Variants in ELF2 observed in about 807,000 individuals in gnomAD.
The protein encoded by ELF2 is E74 like ETS transcription factor 2.
In ELF2, 11 loss-of-function variants were observed where a neutral mutation model predicts 54.8. The observed-to-expected ratio is 0.20, with a 90% CI of 0.13 to 0.33. The LOEUF is 0.33. ELF2 is among the 10% of genes least tolerant of loss of function. ELF2 has a pLI of 1.00. For missense variants in ELF2, 513 were observed against 703.0 expected, an observed-to-expected ratio of 0.73 and a Z score of 3.06; for synonymous variants, 203 against 245.1, an observed-to-expected ratio of 0.83 and a Z score of 1.61.
intron 3 of ELF2, among the ~76,000 whole-genome samples, chr4:139,134,618 A>ATTTTATTTAT (rs1553967913): frequency 7.4e-4 from 21 of 28,530 alleles, no homozygotes; most frequent in African/African-American, 2.8e-3. Flanking sequence ...ATTTTATTTT[A>ATTTTATTTAT]TTTATTTTAT....
At chr4:139,175,602 A>T (rs1426533914) in intron 1 of ELF2, among the ~76,000 whole-genome samples, 1 of 152,248 alleles carries the variant, frequency 6.6e-6, no homozygotes, top group East Asian at 1.9e-4. Context: ...ATCCTTTCTT[A>T]GTAAAGCATA....
At chr4:139,135,577 C>G (rs1738068764) in intron 3 of ELF2, among the ~76,000 whole-genome samples, 1 of 151,998 alleles carries the variant, frequency 6.6e-6, no homozygotes, top group African/African-American at 2.4e-5. Context: ...CATAACATTT[C>G]TGAAATATTT....
chr4:139,082,040 A>G (rs1174781574), intron 4 of ELF2, among the ~76,000 whole-genome samples: 1 of 152,196 alleles, frequency 6.6e-6, no homozygotes, highest in African/African-American at 2.4e-5. Flanking sequence ...ACAGTCTTTT[A>G]TATACACACA....
chr4:139,169,893 C>T (rs1318558816), intron 1 of ELF2, among the ~76,000 whole-genome samples: 1 of 150,626 alleles, frequency 6.6e-6, no homozygotes, highest in East Asian at 1.9e-4. Context: ...TCTTCCTTTA[C>T]CTCCCTGAAT....
chr4:139,170,259 C>CTTTT (rs70940499), intron 1 of ELF2, among the ~76,000 whole-genome samples: 7 of 89,290 alleles, frequency 7.8e-5, no homozygotes, highest in East Asian at 6.1e-4. Context: ...TCTTAATCGC[C>CTTTT]TTTTTTTTTT....
In ELF2 at chr4:139,139,453, C is replaced by A. The variant is rs1738492468; in HGVS notation, c.-207G>T. 8.1e-7 allele frequency: 1 copy of A among 1,229,926 alleles called. No individual in the cohort carries two copies. The highest frequency in any genetic ancestry group is 1.6e-5 in the African/African-American group (1 of 64,324). 76.2% of individuals were successfully genotyped at this position (1,229,926 alleles called of 1,614,324 possible). ...TAGTCTAAGCATCCTTCACTATTTT[C>A]ACAACTTGGGAAGAGCTAAAATCTG... On this transcript the variant is annotated 5_prime_UTR_variant, in exon 2 of 10. Transcript: ENST00000686138.
chr4:139,138,441 C>T (rs1429277509), intron 2 of ELF2, among the ~76,000 whole-genome samples: 1 of 151,768 alleles, frequency 6.6e-6, no homozygotes, highest in African/African-American at 2.4e-5. Flanking sequence ...TTATAACTTT[C>T]TCCCTTTATA....
intron 1 of ELF2, among the ~76,000 whole-genome samples, chr4:139,169,352 A>C (rs1560892875): frequency 6.6e-6 from 1 of 151,450 alleles, no homozygotes; most frequent in African/African-American, 2.4e-5. Context: ...CATTTAAAAA[A>C]AAAAAAAAAA....
intron 1 of ELF2, among the ~76,000 whole-genome samples, chr4:139,162,315 AAGACCAGCCAGTTTG>A (rs1161375764): frequency 6.6e-6 from 1 of 152,096 alleles, no homozygotes; most frequent in African/African-American, 2.4e-5. Context: ...TCAGGAGTTC[AAGACCAGCCAGTTTG>A]AGACCAGCCT....
chr4:139,102,156 T>G (rs1468410829), intron 4 of ELF2: 1 of 152,016 alleles, frequency 6.6e-6, no homozygotes, highest in Non-Finnish European at 1.5e-5. Flanking sequence ...TTCCAACTAT[T>G]ACACATCAGA....
At chr4:139,088,602 G>A (rs1732245884) in intron 4 of ELF2, among the ~76,000 whole-genome samples, 1 of 151,784 alleles carries the variant, frequency 6.6e-6, no homozygotes, top group African/African-American at 2.4e-5. Flanking sequence ...TTTCTTTTCA[G>A]TTGTCTTCAC....
intron 4 of ELF2, among the ~76,000 whole-genome samples, chr4:139,114,741 A>C (rs1014855963): frequency 4.1e-5 from 6 of 145,774 alleles, no homozygotes; most frequent in South Asian, 2.1e-4. Flanking sequence ...CCATCAGTTT[A>C]ATAACAATAA....
At chr4:139,132,362 A>G (rs1261659899) in intron 3 of ELF2, among the ~76,000 whole-genome samples, 3 of 152,176 alleles carry the variant, frequency 2.0e-5, no homozygotes, top group Non-Finnish European at 2.9e-5. Flanking sequence ...TGTAACTACC[A>G]TCACAGTCAA....
intron 1 of ELF2, among the ~76,000 whole-genome samples, chr4:139,148,022 G>A (rs1007203453): frequency 1.3e-5 from 2 of 150,412 alleles, no homozygotes; most frequent in Admixed American, 6.6e-5. Context: ...TTGACTTCAG[G>A]TGATCCGCCT....
chr4:139,130,510 C>T (rs13113053), intron 3 of ELF2, among the ~76,000 whole-genome samples: 34,557 of 152,122 alleles, frequency 0.23, 4,119 homozygotes, highest in Non-Finnish European at 0.25. Context: ...TTTTCATCTA[C>T]TGAAGGCTTT....
chr4:139,090,304 T>C (rs187089199), intron 4 of ELF2, among the ~76,000 whole-genome samples: 30 of 152,350 alleles, frequency 2.0e-4, no homozygotes, highest in African/African-American at 7.0e-4. Flanking sequence ...AGTTACGATT[T>C]TTCTCACATG....
intron 1 of ELF2, among the ~76,000 whole-genome samples, chr4:139,150,973 G>A (rs1344016829): frequency 1.4e-5 from 2 of 147,148 alleles, no homozygotes; most frequent in Non-Finnish European, 3.0e-5. Context: ...GCAGTGAGCC[G>A]AGATCGCACC....
chr4:139,161,652 TAAAA>T (rs57452146), intron 1 of ELF2, among the ~76,000 whole-genome samples: 36 of 70,026 alleles, frequency 5.1e-4, no homozygotes, highest in Non-Finnish European at 5.6e-4. Context: ...TAAAACTGTT[TAAAA>T]AAAAAAAAAA....
chr4:139,066,159 T>G (rs947162458), intron 7 of ELF2: 1 of 151,888 alleles, frequency 6.6e-6, no homozygotes, highest in Non-Finnish European at 1.5e-5. Context: ...CAGAATAAAT[T>G]TAAATATATT....
Sources: gnomAD v4.1 joint callset for allele counts (sites outside exome capture counted in the v4.1 genomes callset) on GRCh38, gnomAD v4.1.1 for gene constraint, MANE v1.5 for transcripts, NCBI Gene and HGNC (gene_info 2026-07-23, HGNC 2026-07-21) for gene names.